Variants in TNFSF9 observed in about 807,000 individuals in gnomAD.
TNFSF9 encodes the protein tumor necrosis factor ligand superfamily member 9.
Under a neutral mutation model 10.3 loss-of-function variants are expected in TNFSF9, and 10 were observed. That is an observed-to-expected ratio of 0.97 (90% CI 0.60 to 1.65). The LOEUF is 1.65. TNFSF9 is among the 40% of genes most tolerant of loss of function. The pLI, the probability that TNFSF9 is intolerant of heterozygous loss-of-function variation, is 0.00. For synonymous variants in TNFSF9, 195 were observed against 176.1 expected, an observed-to-expected ratio of 1.11 and a Z score of -0.85; for missense variants, 361 against 348.9, an observed-to-expected ratio of 1.03 and a Z score of -0.28.
In TNFSF9 at chr19:6,531,307, A is replaced by G; in HGVS notation, c.267+4A>G. The G allele has an allele frequency of 6.8e-7, 1 of 1,478,584 alleles. No homozygotes were observed. The highest frequency in any genetic ancestry group is 2.5e-5 in the Admixed American group (1 of 39,604). The allele number at this position is 1,478,584 out of a possible 1,614,324, so 91.6% of individuals were successfully genotyped here. A position where few individuals can be genotyped will look rare whatever the true frequency, so the allele number is the denominator to read the frequency against. On this transcript the variant is annotated splice_donor_region_variant and intron_variant, in intron 1 of 2. Coordinates refer to ENST00000245817, the MANE Select transcript of TNFSF9 (RefSeq NM_003811.4). ...CGGCCTCTTGGACCTGCGGCAGGTG[A>G]GACGTGCCCCGACCCTCGGTAGCTG...
chr19:6,535,575 A>C lies in TNFSF9; in HGVS notation c.*509A>C, dbSNP rs910719023. The C allele has an allele frequency of 6.6e-6, 1 of 152,146 alleles. No individual in the cohort carries two copies. Among genetic ancestry groups the C allele is most frequent in the Non-Finnish European group, 1.5e-5 (1 of 68,044 alleles). The allele number at this position is 152,146 out of a possible 1,614,324, so 9.4% of individuals were successfully genotyped here. On this transcript the variant is annotated 3_prime_UTR_variant, in exon 3 of 3. Transcript: ENST00000245817. ...AACATCTAGAAATAGACTGAAAGAAAATCTGAGTTATGGTAATACGTGAGG... is the reference window on the plus strand; with the variant it reads ...AACATCTAGAAATAGACTGAAAGAACATCTGAGTTATGGTAATACGTGAGG...
chr19:6,531,430 CCA>C, intron 1 of TNFSF9, 127 bp downstream of exon 1: 1 of 1,294,376 alleles, frequency 7.7e-7, no homozygotes, highest in South Asian at 1.8e-5. Flanking sequence ...GAGAGGAGAC[CCA>C]CCGGGGCTCC....
rs960708035 is a variant in TNFSF9, at chr19:6,535,495, G to A, written c.*429G>A. 6.6e-6 allele frequency: 1 copy of A among 151,786 alleles called. No individual in the cohort carries two copies. The highest frequency in any genetic ancestry group is 2.4e-5 in the African/African-American group (1 of 41,300). 9.4% of individuals were successfully genotyped at this position (151,786 alleles called of 1,614,324 possible). ...TCATTGTACTTATTTGCTTATTTGT[G>A]TGTATTGAGCATCTGTAATGTGCCA... On this transcript the variant is annotated 3_prime_UTR_variant, in exon 3 of 3. Transcript: ENST00000245817.
Position 6,531,177 on chromosome 19 carries a change from C to A in TNFSF9, c.141C>A (p.Val47=). ...TGCTGCTCGCTGCCGCCTGCGCCGT[C>A]TTCCTCGCCTGCCCCTGGGCCGTGT... The part of the protein sequence containing the change: ...LLLLLAAACA[V]FLACPWAVSG... The change falls in exon 1 of 3, where the codon GTC becomes GTA. Residue 47 remains valine, a synonymous_variant. Transcript: ENST00000245817. The A allele has an allele frequency of 6.3e-7, 1 of 1,589,314 alleles. No homozygotes were observed. Among genetic ancestry groups the A allele is most frequent in the Non-Finnish European group, 8.6e-7 (1 of 1,168,122 alleles).
At chr19:6,534,479 GC>G in intron 2 of TNFSF9, 120 bp from the exon 3 acceptor site, 3 of 178,234 alleles carry the variant, frequency 1.7e-5, no homozygotes, top group Admixed American at 1.2e-4. Context: ...GCCATTCCCC[GC>G]CCCCCGGCCC....
rs775425137 is a variant in TNFSF9 at position 6,535,034 on chromosome 19, C to A, written c.733C>A (p.Pro245Thr). The A allele has an allele frequency of 1.3e-6, 2 of 1,582,758 alleles. No individual in the cohort carries two copies. The highest frequency in any genetic ancestry group is 3.6e-5 in the Admixed American group (2 of 56,170). The change falls in exon 3 of 3, where the codon CCA becomes ACA. Residue 245 changes from proline (P) to threonine (T), a missense_variant. Physicochemically the swap from Pro to Thr is conservative, Grantham distance 38. Coordinates refer to ENST00000245817, the MANE Select transcript of TNFSF9 (RefSeq NM_003811.4). Reference protein sequence around the residue: ...LGLFRVTPEIPAGLPSPRSE With the variant: ...LGLFRVTPEITAGLPSPRSE ...ACTCTTCCGGGTGACCCCCGAAATC[C>A]CAGCCGGACTCCCTTCACCGAGGTC...
intron 1 of TNFSF9, among the ~76,000 whole-genome samples, chr19:6,532,350 C>T (rs1318050665): frequency 6.2e-5 from 7 of 113,756 alleles, no homozygotes; most frequent in Admixed American, 5.1e-4. Context: ...TGTGGGGGTG[C>T]GTATGTGTGT....
Position 6,531,068 on chromosome 19 carries a change from C to T in TNFSF9, c.32C>T (p.Pro11Leu). ...TACGCCTCTGACGCTTCACTGGACC[C>T]CGAAGCCCCGTGGCCTCCCGCGCCC... is the stretch of plus-strand genomic sequence containing the variant. Reference protein sequence around the residue: MEYASDASLDPEAPWPPAPRA... With the variant: MEYASDASLDLEAPWPPAPRA... Residue 11 changes from proline to leucine, a missense_variant, in exon 1 of 3, where the codon CCC (proline) becomes CTC (leucine). By Grantham distance (98) the Pro-to-Leu change is moderately conservative (BLOSUM62 -3). Coordinates refer to ENST00000245817, the MANE Select transcript of TNFSF9 (RefSeq NM_003811.4). 6.2e-7 allele frequency: 1 copy of T among 1,611,204 alleles called. No individual in the cohort carries two copies. Among genetic ancestry groups the T allele is most frequent in the Non-Finnish European group, 8.5e-7 (1 of 1,179,124 alleles).
Position 6,534,654 on chromosome 19 carries a change from T to C in TNFSF9, c.353T>C (p.Val118Ala). The stretch of plus-strand genomic sequence containing the variant: ...TACAGTGACCCAGGCCTGGCAGGCG[T>C]GTCCCTGACGGGGGGCCTGAGCTAC... ...SWYSDPGLAG[V>A]SLTGGLSYKE... Residue 118 changes from valine to alanine, a missense_variant, in exon 3 of 3, where the codon GTG (valine) becomes GCG (alanine). Transcript: ENST00000245817. 6.3e-7 allele frequency: 1 copy of C among 1,589,550 alleles called. No homozygotes were observed.
Position 6,535,360 on chromosome 19 carries a change from T to TG in TNFSF9, c.*307dup, listed in dbSNP as rs10712707. The stretch of plus-strand genomic sequence containing the variant: ...ATGGACTTTTTTAGAGGAGTTGTTT[T>TG]GGGGGGGGGGGGGTCTTCGACATTG... On this transcript the variant is annotated 3_prime_UTR_variant, in exon 3 of 3. Coordinates refer to ENST00000245817, the MANE Select transcript of TNFSF9 (RefSeq NM_003811.4). 177 of 122,742 alleles carry TG rather than the reference T, an allele frequency of 1.4e-3. No individual in the cohort carries two copies. Among genetic ancestry groups the TG allele is most frequent in the African/African-American group, 5.1e-3 (164 of 32,026 alleles). The allele number at this position is 122,742 out of a possible 1,614,324, so 7.6% of individuals were successfully genotyped here.
intron 2 of TNFSF9, among the ~76,000 whole-genome samples, 178 bp from the exon 3 acceptor site, chr19:6,534,422 C>G (rs1360990189): frequency 1.4e-5 from 2 of 144,270 alleles, no homozygotes; most frequent in South Asian, 2.3e-4. Context: ...CCAACGCCCC[C>G]CCCACCCAGG....
At position 6,531,222 on chromosome 19, in the gene TNFSF9, C is replaced by A; in HGVS notation, c.186C>A (p.Pro62=). The part of the protein sequence containing the change: ...PWAVSGARAS[P]GSAASPRLRE... Reference sequence around the variant, plus strand: ...CCGTGTCCGGGGCTCGCGCCTCGCCCGGCTCCGCGGCCAGCCCGAGACTCC... The same window carrying A: ...CCGTGTCCGGGGCTCGCGCCTCGCCAGGCTCCGCGGCCAGCCCGAGACTCC... The change falls in exon 1 of 3, where the codon CCC becomes CCA. Residue 62 remains proline, a synonymous_variant. Transcript: ENST00000245817. The A allele has an allele frequency of 2.6e-6, 4 of 1,533,558 alleles. No individual in the cohort carries two copies. The highest frequency in any genetic ancestry group is 3.5e-6 in the Non-Finnish European group (4 of 1,144,528). The allele number at this position is 1,533,558 out of a possible 1,614,324, so 95.0% of individuals were successfully genotyped here. A position where few individuals can be genotyped will look rare whatever the true frequency, so the allele number is the denominator to read the frequency against.
chr19:6,535,626 C>CT lies in TNFSF9; in HGVS notation c.*560_*561insT, dbSNP rs1915250661. On this transcript the variant is annotated 3_prime_UTR_variant, in exon 3 of 3. Transcript: ENST00000245817. ...AATTTAAAGACTCATCCCCAGCCTCCACCTCCTGTGTGATACTTGGGGGCT... is the reference window on the plus strand; with the variant it reads ...AATTTAAAGACTCATCCCCAGCCTCCTACCTCCTGTGTGATACTTGGGGGCT... 6.6e-6 allele frequency: 1 copy of CT among 151,882 alleles called. No homozygotes were observed. The highest frequency in any genetic ancestry group is 2.4e-5 in the African/African-American group (1 of 41,310). 9.4% of individuals were successfully genotyped at this position (151,882 alleles called of 1,614,324 possible).
intron 2 of TNFSF9, among the ~76,000 whole-genome samples, chr19:6,533,082 G>T (rs1005640235): frequency 4.6e-5 from 7 of 151,888 alleles, no homozygotes; most frequent in African/African-American, 1.7e-4. Context: ...GCTGGGGCTT[G>T]ACACCCCCAA....
At chr19:6,531,348 C>T (rs940696292) in intron 1 of TNFSF9, 45 bp downstream of exon 1, 1 of 1,412,802 alleles carries the variant, frequency 7.1e-7, no homozygotes, top group East Asian at 2.9e-5. Context: ...GCGGGAGACC[C>T]CTACCGCCCC....
In TNFSF9 at chr19:6,531,250, G is replaced by C. The variant is rs548530723; in HGVS notation, c.214G>C (p.Glu72Gln). Residue 72 changes from glutamate to glutamine, a missense_variant, in exon 1 of 3, where the codon GAG (glutamate) becomes CAG (glutamine). By Grantham distance (29) the Glu-to-Gln change is conservative. Coordinates refer to ENST00000245817, the MANE Select transcript of TNFSF9 (RefSeq NM_003811.4). ...CTCCGCGGCCAGCCCGAGACTCCGC[G>C]AGGGTCCCGAGCTTTCGCCCGACGA... ...PGSAASPRLR[E>Q]GPELSPDDPA... is the part of the protein sequence containing the mutation. 74 of 1,535,528 alleles carry C rather than the reference G, an allele frequency of 4.8e-5. 2 individuals carry two copies. The South Asian group carries it at 8.3e-4, about 17-fold the overall frequency.
At chr19:6,534,086 C>A (rs1191835989) in intron 2 of TNFSF9, among the ~76,000 whole-genome samples, 1 of 135,944 alleles carries the variant, frequency 7.4e-6, no homozygotes, top group Non-Finnish European at 1.6e-5. Context: ...CTCCTCCCCC[C>A]ATCTCCATCC....
At position 6,534,597 on chromosome 19, in the gene TNFSF9, C is replaced by T; in HGVS notation, c.299-3C>T. The T allele has an allele frequency of 1.3e-6, 2 of 1,563,098 alleles. No individual in the cohort carries two copies. Among genetic ancestry groups the T allele is most frequent in the Non-Finnish European group, 1.7e-6 (2 of 1,154,522 alleles). On this transcript the variant is annotated splice_region_variant and splice_polypyrimidine_tract_variant and intron_variant, in intron 2 of 2. Transcript: ENST00000245817. Reference sequence around the variant, plus strand: ...AAGCTAAGTGCATGCTTTCCTCCCACAGTTCTGCTGATCGATGGGCCCCTG... The same window carrying T: ...AAGCTAAGTGCATGCTTTCCTCCCATAGTTCTGCTGATCGATGGGCCCCTG...
At chr19:6,533,101 C>T (rs552861314) in intron 2 of TNFSF9, among the ~76,000 whole-genome samples, 14 of 152,026 alleles carry the variant, frequency 9.2e-5, no homozygotes, top group African/African-American at 3.4e-4. Flanking sequence ...AACCCCCAGC[C>T]TGGTTTTGTG....
Sources: gnomAD v4.1 joint callset for allele counts (sites outside exome capture counted in the v4.1 genomes callset) on GRCh38, gnomAD v4.1.1 for gene constraint, MANE v1.5 for transcripts, NCBI Gene and HGNC (gene_info 2026-07-23, HGNC 2026-07-21) for gene names.